Variants in MYO5A observed in about 807,000 individuals in gnomAD.
MYO5A encodes the protein myosin VA, also known as unconventional myosin-Va.
Under a neutral mutation model 249.7 loss-of-function variants are expected in MYO5A, and 98 were observed. That is an observed-to-expected ratio of 0.39 (90% confidence interval 0.33 to 0.46). The LOEUF (loss-of-function observed/expected upper bound fraction) is 0.46. Ranked by LOEUF, MYO5A falls within the 20% of genes least tolerant of loss-of-function variation. The pLI is 0.98. For synonymous variants in MYO5A, 778 were observed against 810.6 expected (o/e 0.96, Z 0.68); for missense variants, 1,696 against 2,308.8 (o/e 0.73, Z 5.44).
rs529862790 is a variant in MYO5A at position 52,389,367 on chromosome 15, T to C, written c.1543-4A>G. 1.2e-6 allele frequency: 2 copies of C among 1,610,142 alleles called. No homozygotes were observed. Among genetic ancestry groups the C allele is most frequent in the African/African-American group, 2.7e-5 (2 of 73,690 alleles). On this transcript the variant is annotated splice_polypyrimidine_tract_variant and splice_region_variant and intron_variant, in intron 12 of 41. Transcript: ENST00000399233. The stretch of plus-strand genomic sequence containing the variant: ...TGTCATCTGTGCCTTTAGGCATCTA[T>C]ATTCATGGAAAAAAGGAAGAAAGAA...
intron 9 of MYO5A, among the ~76,000 whole-genome samples, chr15:52,403,908 C>G (rs933389681): frequency 1.3e-5 from 2 of 152,090 alleles, no homozygotes; most frequent in Non-Finnish European, 2.9e-5. Flanking sequence ...TCGTAAGGAT[C>G]AAGCTTTCTG....
chr15:52,310,165 C>A lies in MYO5A; in HGVS notation c.*3531G>T, dbSNP rs1292413666. The A allele has an allele frequency of 6.6e-6, 1 of 152,162 alleles. No individual in the cohort carries two copies. Among genetic ancestry groups the A allele is most frequent in the Admixed American group, 6.5e-5 (1 of 15,286 alleles). 9.4% of individuals were successfully genotyped at this position (152,162 alleles called of 1,614,324 possible). On this transcript the variant is annotated 3_prime_UTR_variant, in exon 42 of 42. Coordinates refer to ENST00000399233, the MANE Select transcript of MYO5A (RefSeq NM_001382347.1). ...AATCCCCAAATTCCCTATCAGTTGG[C>A]TTCGGAATATGTTTTTGTGCTTCTG...
intron 18 of MYO5A, among the ~76,000 whole-genome samples, chr15:52,376,868 C>T (rs1337346233): frequency 6.6e-6 from 1 of 152,248 alleles, no homozygotes; most frequent in Middle Eastern, 3.4e-3. Flanking sequence ...TTAAACATCT[C>T]AAGGAAATGG....
Position 52,389,377 on chromosome 15 carries a change from A to G in MYO5A, c.1543-14T>C, listed in dbSNP as rs114996345. ...GCCTTTAGGCATCTATATTCATGGA[A>G]AAAAGGAAGAAAGAAAACAAGGTAA... On this transcript the variant is annotated splice_polypyrimidine_tract_variant and intron_variant, in intron 12 of 41. Transcript: ENST00000399233. The G allele has an allele frequency of 0.015, 24,290 of 1,603,080 alleles. 1,449 individuals are homozygous for G. In the African/African-American group the frequency reaches 0.17, roughly 11 times the overall value.
intron 33 of MYO5A, among the ~76,000 whole-genome samples, chr15:52,337,325 T>A (rs1184186076): frequency 6.6e-6 from 1 of 152,186 alleles, no homozygotes; most frequent in Non-Finnish European, 1.5e-5. Context: ...CAGACATGGT[T>A]AAAAACTCAA....
chr15:52,340,317 C>A lies in MYO5A; in HGVS notation c.4118G>T (p.Ser1373Ile). Residue 1373 changes from serine (S) to isoleucine (I), a missense_variant, in exon 32 of 42, where the codon AGC becomes ATC. Physicochemically the swap from Ser to Ile is moderately radical, Grantham distance 142 (BLOSUM62 -2). Transcript: ENST00000399233. ...EAEALRGEIQ[S>I]LKEENNRQQQ... ...CTGTCGGTTGTTCTCCTCCTTCAGG[C>A]TCTGGATCTCCCCACGGAGGGCCTC... is the stretch of plus-strand genomic sequence containing the variant. 2 of 1,614,026 alleles carry A rather than the reference C, an allele frequency of 1.2e-6. No homozygotes were observed. Among genetic ancestry groups the A allele is most frequent in the South Asian group, 2.2e-5 (2 of 91,070 alleles).
chr15:52,376,043 G>A (rs1284724199), intron 19 of MYO5A, among the ~76,000 whole-genome samples: 1 of 152,174 alleles, frequency 6.6e-6, no homozygotes, highest in African/African-American at 2.4e-5. Flanking sequence ...TTATTACCTA[G>A]CTCATATTCA....
At chr15:52,482,089 G>C (rs1275404420) in intron 1 of MYO5A, among the ~76,000 whole-genome samples, 1 of 152,206 alleles carries the variant, frequency 6.6e-6, no homozygotes, top group Non-Finnish European at 1.5e-5. Context: ...GTGACCACAA[G>C]AGAGAGAAGA....
intron 37 of MYO5A, among the ~76,000 whole-genome samples, chr15:52,322,809 C>G (rs866427144): frequency 2.0e-5 from 3 of 150,422 alleles, no homozygotes; most frequent in African/African-American, 7.3e-5. Context: ...CTCTTATTGT[C>G]CAAGAGTATT....
At chr15:52,413,002 C>A (rs1249255536) in intron 5 of MYO5A, among the ~76,000 whole-genome samples, 1 of 152,054 alleles carries the variant, frequency 6.6e-6, no homozygotes, top group Non-Finnish European at 1.5e-5. Context: ...ACGACAGTAG[C>A]TGAGCGTGGT....
intron 36 of MYO5A, among the ~76,000 whole-genome samples, chr15:52,326,410 T>C (rs1320769995): frequency 6.6e-6 from 1 of 152,224 alleles, no homozygotes; most frequent in Non-Finnish European, 1.5e-5. Context: ...TGGGAAGACA[T>C]TCATCAATTT....
chr15:52,508,424 C>T (rs1311726704), intron 1 of MYO5A, among the ~76,000 whole-genome samples: 2 of 151,178 alleles, frequency 1.3e-5, no homozygotes, highest in Non-Finnish European at 2.9e-5. Flanking sequence ...AAACAAACCA[C>T]CAAAAAAGGC....
At chr15:52,493,803 T>G (rs577767225) in intron 1 of MYO5A, among the ~76,000 whole-genome samples, 7 of 152,326 alleles carry the variant, frequency 4.6e-5, no homozygotes, top group African/African-American at 1.7e-4. Flanking sequence ...CATTCTGAGT[T>G]ACTGTTACAC....
At chr15:52,426,752 C>T (rs1435472853) in intron 3 of MYO5A, among the ~76,000 whole-genome samples, 1 of 152,200 alleles carries the variant, frequency 6.6e-6, no homozygotes, top group Non-Finnish European at 1.5e-5. Context: ...AGCCACAGCA[C>T]AGGTGAGTTA....
At chr15:52,342,902 T>G (rs1878248847) in intron 31 of MYO5A, among the ~76,000 whole-genome samples, 1 of 140,918 alleles carries the variant, frequency 7.1e-6, no homozygotes, top group Non-Finnish European at 1.5e-5. Flanking sequence ...GGCAACAGAG[T>G]GAGACTCCGT....
intron 1 of MYO5A, among the ~76,000 whole-genome samples, chr15:52,515,643 T>A (rs886762662): frequency 3.9e-5 from 6 of 152,140 alleles, no homozygotes; most frequent in African/African-American, 1.4e-4. Context: ...TAGGGTAGTA[T>A]GAAGAAGGAG....
intron 1 of MYO5A, among the ~76,000 whole-genome samples, chr15:52,485,546 G>A (rs2076802742): frequency 6.6e-6 from 1 of 152,024 alleles, no homozygotes. Context: ...CTAGATGAAT[G>A]TTATTAAAAT....
intron 1 of MYO5A, among the ~76,000 whole-genome samples, chr15:52,490,060 G>A (rs1490301391): frequency 5.3e-5 from 8 of 152,130 alleles, no homozygotes; most frequent in Non-Finnish European, 1.2e-4. Flanking sequence ...CAAAAAACTA[G>A]AAAATAACAA....
Position 52,372,340 on chromosome 15 carries a change from G to A in MYO5A, c.2601C>T (p.Val867=). The A allele has an allele frequency of 1.2e-6, 2 of 1,603,754 alleles. No individual in the cohort carries two copies. The highest frequency in any genetic ancestry group is 1.7e-6 in the Non-Finnish European group (2 of 1,179,938). The change falls in exon 21 of 42, where the codon GTC becomes GTT. Residue 867 remains valine (V), a synonymous_variant. Coordinates refer to ENST00000399233, the MANE Select transcript of MYO5A (RefSeq NM_001382347.1). Reference sequence around the variant, plus strand: ...AGCCCCGGACTCGCTTCTGAATGATGACTGCTTTGTGCTCACGGAGTATCT... The same window carrying A: ...AGCCCCGGACTCGCTTCTGAATGATAACTGCTTTGTGCTCACGGAGTATCT... ...YRKILREHKA[V]IIQKRVRGWL... is the part of the protein sequence containing the mutation.
Sources: gnomAD v4.1 joint callset for allele counts (sites outside exome capture counted in the v4.1 genomes callset) on GRCh38, gnomAD v4.1.1 for gene constraint, MANE v1.5 for transcripts, NCBI Gene and HGNC (gene_info 2026-07-23, HGNC 2026-07-21) for gene names.